ULK4: variants seen among roughly 807,000 people sequenced by gnomAD.
ULK4 encodes the protein inactive serine/threonine-protein kinase ULK4.
A neutral mutation model predicts 160.6 loss-of-function variants in ULK4; 133 were observed. The observed-to-expected ratio is 0.83, with a 90% CI of 0.72 to 0.96. ULK4 has a LOEUF of 0.96. ULK4 is among the 40% of genes least tolerant of loss of function. The probability of loss-of-function intolerance (pLI) is 0.00; values close to 1 mark genes in which losing one functional copy is unlikely to be tolerated. For synonymous variants in ULK4, 534 were observed against 539.8 expected (o/e 0.99, Z 0.15); for missense variants, 1,580 against 1,499.5 (o/e 1.05, Z -0.89).
intron 34 of ULK4, among the ~76,000 whole-genome samples, chr3:41,400,622 A>G (rs1173579377): frequency 6.6e-6 from 1 of 152,174 alleles, no homozygotes; most frequent in Non-Finnish European, 1.5e-5. Flanking sequence ...TCCAAATAAA[A>G]CTACTGTGAA....
At chr3:41,880,119 CA>C (rs1215748726) in intron 17 of ULK4, among the ~76,000 whole-genome samples, 6 of 151,730 alleles carry the variant, frequency 4.0e-5, no homozygotes, top group Admixed American at 2.6e-4. Context: ...GACTCAGTCA[CA>C]AAAAAAATTC....
chr3:41,626,922 G>A (rs889410910), intron 30 of ULK4, among the ~76,000 whole-genome samples: 2 of 152,090 alleles, frequency 1.3e-5, no homozygotes, highest in African/African-American at 4.8e-5. Context: ...TGTATTTCAT[G>A]TCCATTGAAA....
chr3:41,484,358 T>C (rs1354090437), intron 32 of ULK4, among the ~76,000 whole-genome samples: 7 of 152,132 alleles, frequency 4.6e-5, no homozygotes, highest in African/African-American at 1.7e-4. Flanking sequence ...ACTATACTGT[T>C]TAAATTGTAA....
chr3:41,704,986 G>C, intron 27 of ULK4, 71 bp downstream of exon 27: 1 of 1,229,666 alleles, frequency 8.1e-7, no homozygotes. Context: ...CACTGTAAAC[G>C]AGGCCTCTTT....
intron 22 of ULK4, among the ~76,000 whole-genome samples, chr3:41,736,969 T>C (rs2038076077): frequency 6.6e-6 from 1 of 151,928 alleles, no homozygotes; most frequent in Non-Finnish European, 1.5e-5. Flanking sequence ...CCATTGCTTG[T>C]GTTTGTCAGG....
chr3:41,440,832 G>A (rs748038758), intron 34 of ULK4, among the ~76,000 whole-genome samples: 1 of 151,982 alleles, frequency 6.6e-6, no homozygotes, highest in Non-Finnish European at 1.5e-5. Flanking sequence ...ATAGACACAG[G>A]GTTATTCAGG....
At chr3:41,842,925 A>G (rs963006617) in intron 17 of ULK4, among the ~76,000 whole-genome samples, 3 of 152,224 alleles carry the variant, frequency 2.0e-5, no homozygotes, top group Non-Finnish European at 4.4e-5. Context: ...CCAATGGAGA[A>G]AAGTCAACTT....
At chr3:41,287,290 A>G (rs1308181968) in intron 35 of ULK4, among the ~76,000 whole-genome samples, 5 of 152,132 alleles carry the variant, frequency 3.3e-5, no homozygotes, top group Admixed American at 6.5e-5. Context: ...TTTTTCTTCT[A>G]AGGAAGAAGA....
intron 17 of ULK4, among the ~76,000 whole-genome samples, chr3:41,845,652 T>A (rs1467236168): frequency 2.6e-5 from 4 of 152,192 alleles, no homozygotes; most frequent in African/African-American, 4.8e-5. Context: ...TATACTTTTT[T>A]AAGACATTAT....
At position 41,878,740 on chromosome 3, in the gene ULK4, AAAAG is replaced by A. The variant is rs372575310; in HGVS notation, c.1656+5130_1656+5133del. Among the ~76,000 whole-genome samples the A allele has an allele frequency of 8.5e-5, 13 of 152,132 alleles. No individual in the cohort carries two copies. In the East Asian group the frequency reaches 2.5e-3, roughly 29 times the overall value. ...TCACAGATAAGGGTATGAAGAAAAA[AAAAG>A]AGTGATGGGAATATTTATAATAAGG... On this transcript the variant is annotated intron_variant, in intron 17 of 36. Coordinates refer to ENST00000301831, the MANE Select transcript of ULK4 (RefSeq NM_017886.4).
intron 30 of ULK4, among the ~76,000 whole-genome samples, chr3:41,635,714 A>C (rs80027633): frequency 6.6e-6 from 1 of 152,312 alleles, no homozygotes; most frequent in East Asian, 1.9e-4. Flanking sequence ...TTTACAGAGG[A>C]AGACACTGAG....
intron 30 of ULK4, among the ~76,000 whole-genome samples, chr3:41,661,918 G>A (rs1166884567): frequency 6.6e-6 from 1 of 152,050 alleles, no homozygotes; most frequent in Non-Finnish European, 1.5e-5. Context: ...TCTTCAATAT[G>A]AGGAAATTAA....
At chr3:41,616,502 G>C (rs946330751) in intron 30 of ULK4, among the ~76,000 whole-genome samples, 1 of 152,184 alleles carries the variant, frequency 6.6e-6, no homozygotes, top group African/African-American at 2.4e-5. Context: ...GATAGCAGAA[G>C]CAGGGTGGGG....
At chr3:41,728,985 C>G (rs2037739457) in intron 22 of ULK4, among the ~76,000 whole-genome samples, 2 of 152,078 alleles carry the variant, frequency 1.3e-5, no homozygotes, top group African/African-American at 4.8e-5. Context: ...ACTGATGTCA[C>G]CAAGATGGCT....
At chr3:41,328,867 C>T (rs6767529) in intron 35 of ULK4, among the ~76,000 whole-genome samples, 84,287 of 152,020 alleles carry the variant, frequency 0.55, 25,450 homozygotes, top group African/African-American at 0.81. Context: ...GGTTCAGACA[C>T]ATGATATTCT....
chr3:41,622,385 T>C (rs1162394257), intron 30 of ULK4, among the ~76,000 whole-genome samples: 2 of 151,978 alleles, frequency 1.3e-5, no homozygotes, highest in Non-Finnish European at 1.5e-5. Context: ...ATAAAGAAAA[T>C]GTGGCTCATA....
chr3:41,498,160 A>G (rs756869757), intron 32 of ULK4, among the ~76,000 whole-genome samples: 3 of 152,198 alleles, frequency 2.0e-5, no homozygotes, highest in East Asian at 1.9e-4. Context: ...GGCCAAAATA[A>G]TAAGTTTAGG....
chr3:41,485,158 C>T (rs558920504), intron 32 of ULK4, among the ~76,000 whole-genome samples: 5 of 152,292 alleles, frequency 3.3e-5, no homozygotes, highest in Admixed American at 2.6e-4. Flanking sequence ...AAGTAACTTT[C>T]CCAAGACCAT....
intron 32 of ULK4, among the ~76,000 whole-genome samples, chr3:41,518,453 T>A (rs1559668463): frequency 6.6e-6 from 1 of 152,208 alleles, no homozygotes; most frequent in East Asian, 1.9e-4. Context: ...GTCAAAGCAA[T>A]GGACCACAAG....
Sources: allele counts gnomAD v4.1 joint callset (sites outside exome capture counted in the v4.1 genomes callset), GRCh38; gene constraint gnomAD v4.1.1; transcripts MANE v1.5; gene names NCBI Gene and HGNC (gene_info 2026-07-23, HGNC 2026-07-21).